The following PMFBP1 variants were observed in gnomAD, a reference collection of about 807,000 sequenced individuals.
PMFBP1 encodes the protein polyamine-modulated factor 1-binding protein 1.
A neutral mutation model predicts 137.8 loss-of-function variants in PMFBP1; 131 were observed. The observed-to-expected ratio is 0.95, with a 90% CI of 0.82 to 1.10. The LOEUF is 1.10. Among genes scored for constraint, PMFBP1 ranks in the 50% least tolerant of loss-of-function variants. PMFBP1 has a pLI of 0.00. For missense variants in PMFBP1, 1,199 were observed against 1,175.4 expected (o/e 1.02, Z -0.29); for synonymous variants, 490 against 450.4 (o/e 1.09, Z -1.11).
In PMFBP1 at chr16:72,157,914, GA is replaced by G. The variant is rs550554240; in HGVS notation, c.166-3456del. Among the ~76,000 whole-genome samples the G allele has an allele frequency of 9.2e-4, 140 of 152,292 alleles. 1 individual carries two copies. The highest frequency in any genetic ancestry group is 3.2e-3 in the African/African-American group (132 of 41,568). ...GGATTTGCTGCTGGGTTACAGGTTA[GA>G]TGGTGGGACATGATGGTCATCCGTA... On this transcript the variant is annotated intron_variant, in intron 3 of 20. Transcript: ENST00000237353.
At chr16:72,117,034 CAAAAAA>C (rs35283042), downstream of PMFBP1, among the ~76,000 whole-genome samples, 2 of 117,084 alleles carry the variant, frequency 1.7e-5, no homozygotes, top group Non-Finnish European at 3.6e-5. Context: ...CCTATTTCTG[CAAAAAA>C]AAAAAAAAAA....
the PMFBP1 span, among the ~76,000 whole-genome samples, chr16:72,196,020 TGTGTGTGTGTGA>T: frequency 7.2e-6 from 1 of 138,574 alleles, no homozygotes; most frequent in Non-Finnish European, 1.6e-5. Flanking sequence ...TGTGTGTGTG[TGTGTGTGTGTGA>T]AAGAGAGAGA....
chr16:72,242,667 T>C, the PMFBP1 span, among the ~76,000 whole-genome samples: 1 of 152,376 alleles, frequency 6.6e-6, no homozygotes, highest in East Asian at 1.9e-4. Flanking sequence ...ACGTTCATTT[T>C]CATTAAAAGC....
intron 5 of PMFBP1, among the ~76,000 whole-genome samples, chr16:72,147,299 G>A (rs1234932752): frequency 6.6e-6 from 1 of 151,936 alleles, no homozygotes; most frequent in African/African-American, 2.4e-5. Context: ...AATAAATGGT[G>A]CTGGGAAAAC....
chr16:72,138,333 C>A (rs1197021746), intron 7 of PMFBP1, among the ~76,000 whole-genome samples: 1 of 152,136 alleles, frequency 6.6e-6, no homozygotes, highest in Non-Finnish European at 1.5e-5. Context: ...CCTCTGCCAC[C>A]CCGCTTCGCC....
At chr16:72,207,477 G>A in the PMFBP1 span, among the ~76,000 whole-genome samples, 1 of 152,190 alleles carries the variant, frequency 6.6e-6, no homozygotes, top group Non-Finnish European at 1.5e-5. Flanking sequence ...TAGGTAGTAG[G>A]AGATCTTGTG....
chr16:72,190,841 A>C, the PMFBP1 span, among the ~76,000 whole-genome samples: 1 of 152,222 alleles, frequency 6.6e-6, no homozygotes, highest in Admixed American at 6.5e-5. Context: ...GATTTAATAC[A>C]GGAAGCTTTA....
At chr16:72,135,997 T>G (rs992244473) in intron 9 of PMFBP1, among the ~76,000 whole-genome samples, 1 of 151,738 alleles carries the variant, frequency 6.6e-6, no homozygotes, top group African/African-American at 2.4e-5. Flanking sequence ...TCAAGAGATC[T>G]CCCCACCTTG....
chr16:72,199,054 C>T, the PMFBP1 span, among the ~76,000 whole-genome samples: 1 of 152,164 alleles, frequency 6.6e-6, no homozygotes, highest in African/African-American at 2.4e-5. Context: ...TGTGCTCTTG[C>T]GCTGCCTAGG....
At chr16:72,119,591 C>T (rs769312715) in intron 20 of PMFBP1, 51 of 1,443,428 alleles carry the variant, frequency 3.5e-5, no homozygotes, top group Middle Eastern at 5.1e-4. Flanking sequence ...TACCTGTTCC[C>T]TAAAATGGGT....
chr16:72,188,248 G>A, the PMFBP1 span, among the ~76,000 whole-genome samples: 1 of 152,206 alleles, frequency 6.6e-6, no homozygotes, highest in Non-Finnish European at 1.5e-5. Flanking sequence ...GCTCGATTGG[G>A]CTAATTAAAG....
chr16:72,216,994 T>C, the PMFBP1 span, among the ~76,000 whole-genome samples: 2 of 152,214 alleles, frequency 1.3e-5, no homozygotes, highest in Non-Finnish European at 2.9e-5. Context: ...GACCCCGGAC[T>C]CTGAGCTGGA....
chr16:72,212,924 T>C, the PMFBP1 span, among the ~76,000 whole-genome samples: 1 of 152,210 alleles, frequency 6.6e-6, no homozygotes, highest in Admixed American at 6.5e-5. Flanking sequence ...ACCTTACACA[T>C]TCTGATGGAA....
the PMFBP1 span, among the ~76,000 whole-genome samples, chr16:72,196,013 GTGTGT>G: frequency 2.7e-4 from 41 of 151,648 alleles, no homozygotes; most frequent in South Asian, 8.5e-3. Context: ...GTGTGTGTGT[GTGTGT>G]GTGTGTGTGT....
At chr16:72,129,594 T>G (rs1012243672) in intron 12 of PMFBP1, among the ~76,000 whole-genome samples, 2 of 152,218 alleles carry the variant, frequency 1.3e-5, no homozygotes, top group African/African-American at 4.8e-5. Flanking sequence ...ATCAAAGACT[T>G]TAAATTGACT....
At chr16:72,225,370 AG>A in the PMFBP1 span, among the ~76,000 whole-genome samples, 8 of 151,992 alleles carry the variant, frequency 5.3e-5, no homozygotes, top group Non-Finnish European at 1.0e-4. Flanking sequence ...CTTTTATCTC[AG>A]GACAGCAGGG....
At chr16:72,135,774 T>C (rs2042621038) in intron 9 of PMFBP1, among the ~76,000 whole-genome samples, 1 of 114,784 alleles carries the variant, frequency 8.7e-6, no homozygotes, top group Non-Finnish European at 1.7e-5. Flanking sequence ...TGAGACAGGG[T>C]CTCATTCTAG....
the PMFBP1 span, among the ~76,000 whole-genome samples, chr16:72,203,037 A>G: frequency 1.3e-5 from 2 of 152,160 alleles, no homozygotes; most frequent in Non-Finnish European, 1.5e-5. Context: ...CCTCAGTCCT[A>G]CAGTGTGTGG....
chr16:72,217,645 A>T, the PMFBP1 span, among the ~76,000 whole-genome samples: 9 of 152,326 alleles, frequency 5.9e-5, 1 homozygote, highest in East Asian at 1.9e-4. Context: ...TGATATCAAG[A>T]GTTCGAGACC....
Sources: allele counts gnomAD v4.1 joint callset (sites outside exome capture counted in the v4.1 genomes callset), GRCh38; gene constraint gnomAD v4.1.1; transcripts MANE v1.5; gene names NCBI Gene and HGNC (gene_info 2026-07-23, HGNC 2026-07-21).